Variants in RNF180 observed in about 807,000 individuals in gnomAD.
The protein encoded by RNF180 is ring finger protein 180.
A neutral mutation model predicts 59.2 loss-of-function variants in RNF180; 38 were observed. The ratio of observed to expected loss-of-function variants is 0.64; its 90% CI spans 0.50 to 0.84. The LOEUF is 0.84. RNF180 is among the 40% of genes least tolerant of loss of function. The probability of loss-of-function intolerance (pLI) is 0.00; values close to 1 mark genes in which losing one functional copy is unlikely to be tolerated. For synonymous variants in RNF180, 262 were observed against 240.3 expected (o/e 1.09, Z -0.84); for missense variants, 705 against 700.9 (o/e 1.01, Z -0.07).
chr5:64,307,332 G>A (rs1743525110), intron 5 of RNF180, among the ~76,000 whole-genome samples: 1 of 151,384 alleles, frequency 6.6e-6, no homozygotes, highest in Admixed American at 6.6e-5. Context: ...TGGTTAAACT[G>A]CATTTAAAAA....
chr5:64,202,322 A>G (rs1288583414), intron 2 of RNF180, among the ~76,000 whole-genome samples: 1 of 152,182 alleles, frequency 6.6e-6, no homozygotes, highest in African/African-American at 2.4e-5. Flanking sequence ...TGCATGTGTC[A>G]GTAGTGTGTT....
intron 6 of RNF180, 57 bp downstream of exon 6, chr5:64,325,468 A>G: frequency 1.7e-6 from 2 of 1,204,464 alleles, no homozygotes; most frequent in South Asian, 1.3e-5. Context: ...TTATAGTTCT[A>G]AAGGTACTTT....
intron 5 of RNF180, among the ~76,000 whole-genome samples, chr5:64,258,183 T>G (rs1432482619): frequency 6.6e-6 from 1 of 152,110 alleles, no homozygotes; most frequent in Non-Finnish European, 1.5e-5. Flanking sequence ...CTTGTAACAT[T>G]GGTAGAATGA....
At chr5:64,227,807 A>T (rs1741861936) in intron 5 of RNF180, among the ~76,000 whole-genome samples, 1 of 152,232 alleles carries the variant, frequency 6.6e-6, no homozygotes, top group African/African-American at 2.4e-5. Flanking sequence ...TCTCACTTTT[A>T]AAATAAATAA....
At chr5:64,226,164 C>T (rs531763963) in intron 5 of RNF180, among the ~76,000 whole-genome samples, 53 of 151,754 alleles carry the variant, frequency 3.5e-4, no homozygotes, top group Middle Eastern at 6.8e-3. Context: ...CCCACAGCTC[C>T]GAAGAGGCAG....
At chr5:64,323,246 CA>C (rs1313446869) in intron 5 of RNF180, among the ~76,000 whole-genome samples, 2 of 152,048 alleles carry the variant, frequency 1.3e-5, no homozygotes, top group African/African-American at 4.8e-5. Context: ...CTTAAGAATA[CA>C]AATAGGATAT....
intron 1 of RNF180, among the ~76,000 whole-genome samples, chr5:64,179,208 T>G (rs1433667822): frequency 6.6e-6 from 1 of 152,192 alleles, no homozygotes; most frequent in Non-Finnish European, 1.5e-5. Context: ...ATAAAAAATT[T>G]AATTTTTTAA....
intron 7 of RNF180, among the ~76,000 whole-genome samples, chr5:64,355,165 A>G (rs1745967621): frequency 6.6e-6 from 1 of 151,976 alleles, no homozygotes; most frequent in African/African-American, 2.4e-5. Context: ...CTAATCCTGT[A>G]TACAGAAAAT....
intron 5 of RNF180, among the ~76,000 whole-genome samples, chr5:64,319,906 G>T (rs545509165): frequency 5.9e-5 from 9 of 152,320 alleles, no homozygotes; most frequent in African/African-American, 2.2e-4. Flanking sequence ...TGGGACTTTG[G>T]GGGAACTTTG....
rs1311021019 is a variant in RNF180, at chr5:64,182,327, GAATC to G, written c.-1+16379_-1+16382del. Among the ~76,000 whole-genome samples, 5 of 152,208 alleles carry G rather than the reference GAATC, an allele frequency of 3.3e-5. No homozygotes were observed. In the East Asian group the frequency reaches 9.7e-4, roughly 29 times the overall value. On this transcript the variant is annotated intron_variant, in intron 1 of 7. Coordinates refer to ENST00000389100, the MANE Select transcript of RNF180 (RefSeq NM_001113561.2). ...TTATTTTAAAGAAATTTCACAAAAT[GAATC>G]AATCCAATTGCTTTAGAGGATCTTC...
intron 5 of RNF180, among the ~76,000 whole-genome samples, chr5:64,267,187 G>A (rs910743326): frequency 4.0e-5 from 6 of 151,806 alleles, no homozygotes; most frequent in African/African-American, 1.5e-4. Context: ...CCCAGACCAT[G>A]GTTTCTTAAC....
chr5:64,369,686 C>CA lies in RNF180; in HGVS notation c.1652dup (p.His551GlnfsTer3). ...CGGTGCACACAGGATGGATTACCTG[C>CA]ACTTTGAGGATGATAGCCGTGGATG... On this transcript the variant is annotated frameshift_variant, in exon 8 of 8. Transcript: ENST00000389100. LOFTEE classifies it high-confidence loss of function. 1 of 1,547,728 alleles carries CA rather than the reference C, an allele frequency of 6.5e-7. No individual in the cohort carries two copies. Among genetic ancestry groups the CA allele is most frequent in the South Asian group, 1.2e-5 (1 of 83,682 alleles).
At chr5:64,231,866 G>C (rs1742121355) in intron 5 of RNF180, among the ~76,000 whole-genome samples, 1 of 152,200 alleles carries the variant, frequency 6.6e-6, no homozygotes, top group African/African-American at 2.4e-5. Flanking sequence ...AGCCACTACA[G>C]ATATTTATGA....
chr5:64,343,081 C>T, intron 7 of RNF180, among the ~76,000 whole-genome samples: 2 of 152,014 alleles, frequency 1.3e-5, no homozygotes, highest in South Asian at 4.2e-4. Context: ...ATCTTTCATA[C>T]AATAAAAAAT....
chr5:64,357,800 G>A (rs530139530), intron 7 of RNF180, among the ~76,000 whole-genome samples: 7 of 151,792 alleles, frequency 4.6e-5, no homozygotes, highest in East Asian at 3.9e-4. Context: ...ATCATATTCC[G>A]TAGCGAAAAA....
intron 5 of RNF180, among the ~76,000 whole-genome samples, chr5:64,223,684 C>CTT (rs369993616): frequency 6.6e-6 from 1 of 151,256 alleles, no homozygotes; most frequent in African/African-American, 2.4e-5. Flanking sequence ...CATATTTTAT[C>CTT]TTTTTTTTTG....
intron 7 of RNF180, among the ~76,000 whole-genome samples, chr5:64,368,193 A>G (rs1580321185): frequency 6.6e-6 from 1 of 151,810 alleles, no homozygotes; most frequent in Non-Finnish European, 1.5e-5. Flanking sequence ...TCTTTAAAGG[A>G]GTATCATTAT....
At chr5:64,301,701 A>ATGTGTGTG (rs3069547) in intron 5 of RNF180, among the ~76,000 whole-genome samples, 1 of 148,602 alleles carries the variant, frequency 6.7e-6, no homozygotes, top group African/African-American at 2.5e-5. Flanking sequence ...CCACATCAGA[A>ATGTGTGTG]TGTGTGTGTG....
chr5:64,267,365 A>G (rs1179550140), intron 5 of RNF180, among the ~76,000 whole-genome samples: 4 of 151,628 alleles, frequency 2.6e-5, no homozygotes, highest in Non-Finnish European at 5.9e-5. Flanking sequence ...TTTATTTGTT[A>G]TTATACTTTA....
Sources: allele counts gnomAD v4.1 joint callset (sites outside exome capture counted in the v4.1 genomes callset), GRCh38; gene constraint gnomAD v4.1.1; transcripts MANE v1.5; gene names NCBI Gene and HGNC (gene_info 2026-07-23, HGNC 2026-07-21).